Variants in DNAH14 observed in about 807,000 individuals in gnomAD.
The protein encoded by DNAH14 is dynein axonemal heavy chain 14.
DNAH14 carries 478 observed loss-of-function variants against 520.9 expected under a neutral mutation model. The ratio of observed to expected loss-of-function variants is 0.92; its 90% confidence interval spans 0.85 to 0.99. The LOEUF is 0.99. Ranked by LOEUF, DNAH14 falls within the 50% of genes least tolerant of loss-of-function variation. The probability of loss-of-function intolerance (pLI) is 0.00; values close to 1 mark genes in which losing one functional copy is unlikely to be tolerated. For missense variants in DNAH14, 4,831 were observed against 5,234.5 expected (o/e 0.92, Z 2.38); for synonymous variants, 1,581 against 1,757.2 (o/e 0.90, Z 2.51).
chr1:225,052,575 G>A (rs1156519412), intron 17 of DNAH14, among the ~76,000 whole-genome samples: 1 of 152,190 alleles, frequency 6.6e-6, no homozygotes, highest in Non-Finnish European at 1.5e-5. Context: ...ATATAACCAT[G>A]AGAGGGATAG....
intron 60 of DNAH14, among the ~76,000 whole-genome samples, chr1:225,309,719 C>A (rs1218861042): frequency 6.6e-6 from 1 of 152,070 alleles, no homozygotes; most frequent in Non-Finnish European, 1.5e-5. Flanking sequence ...ATGGTGAAAC[C>A]CCGTCTCTAC....
intron 5 of DNAH14, among the ~76,000 whole-genome samples, chr1:224,965,645 G>A (rs187236519): frequency 2.9e-4 from 44 of 152,202 alleles, no homozygotes; most frequent in Admixed American, 2.4e-3. Context: ...GCAACAATAT[G>A]AAGGAAAGTA....
In DNAH14 at chr1:225,080,713, C is replaced by A; in HGVS notation, c.3101C>A (p.Ser1034Ter). The change falls in exon 19 of 86, where the codon TCA becomes TAA. Residue 1034 changes from serine to a stop codon, truncating the protein, a stop_gained. Transcript: ENST00000682510. LOFTEE classifies it high-confidence loss of function. The part of the protein sequence containing the change: ...IDVESVQRNV[S>*]KLMHIISVLE... Reference sequence around the variant, plus strand: ...GTAGAATCAGTACAGAGAAATGTTTCAAAACTGATGCACATAATCTCGGTA... The same window carrying A: ...GTAGAATCAGTACAGAGAAATGTTTAAAAACTGATGCACATAATCTCGGTA... 1 of 1,532,572 alleles carries A rather than the reference C, an allele frequency of 6.5e-7. No homozygotes were observed. Among genetic ancestry groups the A allele is most frequent in the Non-Finnish European group, 8.8e-7 (1 of 1,138,844 alleles). The allele number at this position is 1,532,572 out of a possible 1,614,324, so 94.9% of individuals were successfully genotyped here.
intron 36 of DNAH14, among the ~76,000 whole-genome samples, chr1:225,171,618 G>T (rs1296250635): frequency 6.6e-6 from 1 of 152,126 alleles, no homozygotes; most frequent in Non-Finnish European, 1.5e-5. Context: ...TGAAATTGAG[G>T]CAATAATTAA....
chr1:224,945,935 C>G (rs1442236816), intron 1 of DNAH14, among the ~76,000 whole-genome samples: 3 of 152,298 alleles, frequency 2.0e-5, no homozygotes, highest in Non-Finnish European at 4.4e-5. Flanking sequence ...ACTCGGGGGT[C>G]AGGGAACTGC....
At chr1:224,934,463 GTT>G (rs1268118908) in intron 1 of DNAH14, among the ~76,000 whole-genome samples, 1 of 151,774 alleles carries the variant, frequency 6.6e-6, no homozygotes, top group South Asian at 2.1e-4. Context: ...AAAGATAAGT[GTT>G]TTGAAATAAT....
intron 28 of DNAH14, among the ~76,000 whole-genome samples, chr1:225,142,261 G>T (rs1370336076): frequency 6.6e-6 from 1 of 152,162 alleles, no homozygotes; most frequent in Non-Finnish European, 1.5e-5. Context: ...ATAAGACTCT[G>T]TAAGTGTCTA....
intron 53 of DNAH14, among the ~76,000 whole-genome samples, chr1:225,277,109 G>T (rs1452785646): frequency 2.9e-5 from 3 of 104,412 alleles, no homozygotes; most frequent in African/African-American, 1.1e-4. Flanking sequence ...GGGAAAGGGG[G>T]AGGGGGGGAG....
At chr1:225,307,137 T>C (rs2094262316) in intron 58 of DNAH14, among the ~76,000 whole-genome samples, 2 of 152,222 alleles carry the variant, frequency 1.3e-5, no homozygotes, top group African/African-American at 2.4e-5. Context: ...GTTCTCATTA[T>C]TAGTTTTTCC....
intron 43 of DNAH14, chr1:225,250,595 A>T: frequency 2.2e-6 from 1 of 449,508 alleles, no homozygotes; most frequent in Non-Finnish European, 4.1e-6. Context: ...AAACGGTTTT[A>T]CAGTTTTGTT....
intron 8 of DNAH14, among the ~76,000 whole-genome samples, chr1:224,975,045 T>C (rs1355803455): frequency 6.6e-6 from 1 of 152,170 alleles, no homozygotes; most frequent in Non-Finnish European, 1.5e-5. Context: ...TTTGTGTATA[T>C]TGAACCAGCC....
intron 4 of DNAH14, 148 bp downstream of exon 4, chr1:224,960,450 G>C: frequency 1.1e-6 from 1 of 881,556 alleles, no homozygotes; most frequent in Non-Finnish European, 1.6e-6. Flanking sequence ...TTATTACAAT[G>C]CTTTTAAAAT....
intron 54 of DNAH14, among the ~76,000 whole-genome samples, chr1:225,288,968 A>G (rs1023311774): frequency 6.6e-6 from 1 of 152,192 alleles, no homozygotes; most frequent in African/African-American, 2.4e-5. Flanking sequence ...CTGTCTCTAC[A>G]CAAGGGAAAA....
chr1:225,087,720 T>A (rs1572973469), intron 21 of DNAH14, among the ~76,000 whole-genome samples: 1 of 152,124 alleles, frequency 6.6e-6, no homozygotes. Flanking sequence ...GAGGCTACAG[T>A]ATTTAGGATA....
intron 44 of DNAH14, among the ~76,000 whole-genome samples, chr1:225,253,378 T>C (rs2092625332): frequency 6.6e-6 from 1 of 152,092 alleles, no homozygotes; most frequent in Non-Finnish European, 1.5e-5. Context: ...ATCTAGAACA[T>C]TACTTCCTCT....
At chr1:225,345,255 A>G (rs976487993) in intron 69 of DNAH14, among the ~76,000 whole-genome samples, 1 of 152,208 alleles carries the variant, frequency 6.6e-6, no homozygotes, top group Admixed American at 6.5e-5. Context: ...TAGATGCCAC[A>G]TTTTTAAAAG....
chr1:225,116,612 C>T (rs2076889389), intron 23 of DNAH14, among the ~76,000 whole-genome samples: 1 of 152,070 alleles, frequency 6.6e-6, no homozygotes, highest in East Asian at 1.9e-4. Flanking sequence ...AGCTGAAGAG[C>T]AAGTATGTCT....
chr1:225,003,133 C>A (rs1271407035), intron 9 of DNAH14, among the ~76,000 whole-genome samples: 7 of 151,980 alleles, frequency 4.6e-5, no homozygotes, highest in African/African-American at 1.7e-4. Context: ...CTTCCTTATG[C>A]CTAACCTAAG....
chr1:224,939,297 C>G (rs560694671), intron 1 of DNAH14, among the ~76,000 whole-genome samples: 86 of 152,108 alleles, frequency 5.7e-4, no homozygotes, highest in Non-Finnish European at 1.0e-3. Context: ...TAAGTAGAAC[C>G]CTCAGATGCA....
Sources: allele counts gnomAD v4.1 joint callset (sites outside exome capture counted in the v4.1 genomes callset), GRCh38; gene constraint gnomAD v4.1.1; transcripts MANE v1.5; gene names NCBI Gene and HGNC (gene_info 2026-07-23, HGNC 2026-07-21).